Variants in SMIM36 observed in about 807,000 individuals in gnomAD.
SMIM36 encodes the protein small integral membrane protein 36.
chr17:55,464,684 T>C (rs1298961158), intron 4 of SMIM36, among the ~76,000 whole-genome samples: 1 of 152,176 alleles, frequency 6.6e-6, no homozygotes, highest in Non-Finnish European at 1.5e-5. Flanking sequence ...TTATAGGGAT[T>C]ACATAGTCAC....
chr17:55,485,661 A>G (rs1466827597), intron 1 of SMIM36, among the ~76,000 whole-genome samples: 1 of 152,238 alleles, frequency 6.6e-6, no homozygotes, highest in Middle Eastern at 3.2e-3. Context: ...TTGCCTATTT[A>G]TAGTTTATAG....
the SMIM36 span, among the ~76,000 whole-genome samples, chr17:55,525,397 A>C: frequency 6.6e-6 from 1 of 152,126 alleles, no homozygotes; most frequent in African/African-American, 2.4e-5. Flanking sequence ...TTTAATACCA[A>C]GTCCAAATCC....
intron 1 of SMIM36, among the ~76,000 whole-genome samples, chr17:55,496,898 T>G (rs1272404765): frequency 1.3e-5 from 2 of 152,188 alleles, no homozygotes; most frequent in Non-Finnish European, 2.9e-5. Context: ...TAAAGGTGTT[T>G]GCATGACAGT....
chr17:55,454,454 T>C (rs931741716), intron 4 of SMIM36, among the ~76,000 whole-genome samples: 3 of 152,240 alleles, frequency 2.0e-5, no homozygotes, highest in African/African-American at 7.2e-5. Flanking sequence ...ATACCTGTAT[T>C]GTTTTGCTTT....
chr17:55,478,957 G>A (rs1909472248), intron 2 of SMIM36, 144 bp from the exon 3 acceptor site: 2 of 152,210 alleles, frequency 1.3e-5, no homozygotes, highest in Admixed American at 1.3e-4. Flanking sequence ...CCAAAGTCCT[G>A]TAGACCCATG....
upstream of SMIM36, among the ~76,000 whole-genome samples, chr17:55,515,084 GTGTTT>G (rs563609877): frequency 0.024 from 1,371 of 56,056 alleles, 110 homozygotes; most frequent in Middle Eastern, 0.061. Flanking sequence ...TTCTAGTCTA[GTGTTT>G]TTTTTTTTTT....
intron 1 of SMIM36, among the ~76,000 whole-genome samples, chr17:55,505,264 A>G (rs1163237791): frequency 2.1e-5 from 2 of 93,240 alleles, no homozygotes; most frequent in Non-Finnish European, 4.1e-5. Flanking sequence ...CTGGGCAGAG[A>G]CACAACAAAA....
At chr17:55,501,943 G>T (rs993154474) in intron 1 of SMIM36, among the ~76,000 whole-genome samples, 1 of 147,822 alleles carries the variant, frequency 6.8e-6, no homozygotes, top group Non-Finnish European at 1.5e-5. Flanking sequence ...TTCCCTTTCC[G>T]AGTCAAAGAA....
chr17:55,488,316 G>A (rs551675147), intron 1 of SMIM36, among the ~76,000 whole-genome samples: 16 of 152,324 alleles, frequency 1.1e-4, no homozygotes, highest in Middle Eastern at 6.8e-3. Flanking sequence ...CGTGGAGGCT[G>A]CATTACGAAA....
chr17:55,474,895 G>A (rs916361524), intron 3 of SMIM36, among the ~76,000 whole-genome samples: 17 of 152,168 alleles, frequency 1.1e-4, no homozygotes, highest in Admixed American at 8.5e-4. Context: ...TTAGAACTTT[G>A]TGTGAGATAG....
intron 1 of SMIM36, among the ~76,000 whole-genome samples, chr17:55,484,107 T>C (rs1278340430): frequency 6.6e-6 from 1 of 152,076 alleles, no homozygotes; most frequent in African/African-American, 2.4e-5. Flanking sequence ...GAATTTATAA[T>C]GATACAAAAT....
the SMIM36 span, among the ~76,000 whole-genome samples, chr17:55,518,482 A>G: frequency 6.6e-6 from 1 of 152,232 alleles, no homozygotes; most frequent in African/African-American, 2.4e-5. Flanking sequence ...TGATCGATCA[A>G]GTAAAATGAG....
intron 1 of SMIM36, among the ~76,000 whole-genome samples, chr17:55,498,850 A>G (rs1459242999): frequency 6.6e-6 from 1 of 151,842 alleles, no homozygotes; most frequent in African/African-American, 2.4e-5. Flanking sequence ...AACACAAAAA[A>G]TTAGCCTGCA....
chr17:55,457,117 T>G (rs1401654572), intron 4 of SMIM36, among the ~76,000 whole-genome samples: 1 of 152,148 alleles, frequency 6.6e-6, no homozygotes, highest in Non-Finnish European at 1.5e-5. Flanking sequence ...GATAAAAGGA[T>G]AAACCAGGCA....
intron 1 of SMIM36, among the ~76,000 whole-genome samples, chr17:55,482,179 C>A (rs998985335): frequency 4.6e-5 from 7 of 152,162 alleles, no homozygotes; most frequent in Admixed American, 4.6e-4. Context: ...TCTAAAATTG[C>A]AGAGAAAGAA....
At chr17:55,457,022 A>G (rs1257052785) in intron 4 of SMIM36, among the ~76,000 whole-genome samples, 2 of 152,248 alleles carry the variant, frequency 1.3e-5, no homozygotes, top group Non-Finnish European at 2.9e-5. Flanking sequence ...ATGGGTAAGC[A>G]GTTATAATGT....
chr17:55,474,562 G>A (rs1029243128), intron 3 of SMIM36, among the ~76,000 whole-genome samples: 16 of 152,168 alleles, frequency 1.1e-4, no homozygotes, highest in Non-Finnish European at 2.1e-4. Context: ...GATCACCCAC[G>A]GCATGCCCGT....
At chr17:55,500,129 T>TC (rs1377812882) in intron 1 of SMIM36, among the ~76,000 whole-genome samples, 2 of 151,564 alleles carry the variant, frequency 1.3e-5, no homozygotes, top group Non-Finnish European at 1.5e-5. Flanking sequence ...TAAAAAAAAT[T>TC]TTTTTTTTAG....
intron 1 of SMIM36, among the ~76,000 whole-genome samples, chr17:55,491,338 G>C (rs1224105608): frequency 6.6e-6 from 1 of 151,164 alleles, no homozygotes; most frequent in African/African-American, 2.4e-5. Context: ...TGCTACTAGA[G>C]GTCACTTTGA....
Sources: allele counts gnomAD v4.1 joint callset (sites outside exome capture counted in the v4.1 genomes callset), GRCh38; gene constraint gnomAD v4.1.1; transcripts MANE v1.5; gene names NCBI Gene and HGNC (gene_info 2026-07-23, HGNC 2026-07-21).